CTNNA1: variants seen among roughly 807,000 people sequenced by gnomAD.
The protein encoded by CTNNA1 is catenin alpha-1.
Under a neutral mutation model 98.4 loss-of-function variants are expected in CTNNA1, and 37 were observed. That is an observed-to-expected ratio of 0.38 (90% CI 0.29 to 0.49). The LOEUF (loss-of-function observed/expected upper bound fraction) is 0.49, where lower values mean the gene tolerates loss of function less well. Ranked by LOEUF, CTNNA1 falls within the 20% of genes least tolerant of loss-of-function variation. CTNNA1 has a pLI of 0.95. For synonymous variants in CTNNA1, 404 were observed against 413.2 expected, an observed-to-expected ratio of 0.98 and a Z score of 0.27; for missense variants, 761 against 1,147.2, an observed-to-expected ratio of 0.66 and a Z score of 4.86.
chr5:138,772,753 C>T (rs1753681272), intron 1 of CTNNA1, among the ~76,000 whole-genome samples: 1 of 152,126 alleles, frequency 6.6e-6, no homozygotes, highest in Middle Eastern at 3.4e-3. Flanking sequence ...TGAGTGACAA[C>T]ATAAATGAAA....
intron 1 of CTNNA1, among the ~76,000 whole-genome samples, chr5:138,776,189 C>T (rs1034889662): frequency 3.3e-5 from 5 of 151,468 alleles, no homozygotes; most frequent in Admixed American, 6.5e-5. Context: ...GAGGACCCTG[C>T]GGCCTTCCGC....
Position 138,925,324 on chromosome 5 carries a change from A to T in CTNNA1, c.1816A>T (p.Met606Leu). Residue 606 changes from methionine (M) to leucine (L), a missense_variant, in exon 13 of 18, where the codon ATG (methionine) becomes TTG (leucine). By Grantham distance (15) the Met-to-Leu change is conservative (BLOSUM62 2). Transcript: ENST00000302763. ...EALSSDPAQP[M>L]DENEFIDASR... ...CCTCAGCTCGGACCCTGCCCAGCCCATGGATGAGAATGAGTTTATCGATGC... is the reference window on the plus strand; with the variant it reads ...CCTCAGCTCGGACCCTGCCCAGCCCTTGGATGAGAATGAGTTTATCGATGC... 1 of 1,614,160 alleles carries T rather than the reference A, an allele frequency of 6.2e-7. No individual in the cohort carries two copies. The highest frequency in any genetic ancestry group is 8.5e-7 in the Non-Finnish European group (1 of 1,180,036).
chr5:138,781,911 TTTC>T lies in CTNNA1; in HGVS notation c.-2-9_-2-7del. 1 of 1,571,032 alleles carries T rather than the reference TTTC, an allele frequency of 6.4e-7. No homozygotes were observed. Among genetic ancestry groups the T allele is most frequent in the Non-Finnish European group, 8.6e-7 (1 of 1,167,808 alleles). ...TGATGTTTGCCTGACTGACTTTTTG[TTTC>T]TTATTTAGAAATGACTGCTGTCCAT... On this transcript the variant is annotated splice_polypyrimidine_tract_variant and intron_variant, in intron 1 of 17. Transcript: ENST00000302763.
chr5:138,833,597 T>C (rs116463732), intron 7 of CTNNA1, among the ~76,000 whole-genome samples: 97 of 152,332 alleles, frequency 6.4e-4, no homozygotes, highest in African/African-American at 2.2e-3. Flanking sequence ...GTTATAAAAA[T>C]TATATGGGTG....
intron 7 of CTNNA1, among the ~76,000 whole-genome samples, chr5:138,846,028 G>A (rs1234188899): frequency 6.6e-6 from 1 of 152,160 alleles, no homozygotes; most frequent in Non-Finnish European, 1.5e-5. Context: ...CTAGGTTCAA[G>A]CGATTCTCCT....
At chr5:138,884,871 A>G (rs1346669400) in intron 7 of CTNNA1, among the ~76,000 whole-genome samples, 1 of 152,152 alleles carries the variant, frequency 6.6e-6, no homozygotes, top group Non-Finnish European at 1.5e-5. Flanking sequence ...AAATCTTCCT[A>G]TTTGAATGAG....
intron 3 of CTNNA1, among the ~76,000 whole-genome samples, chr5:138,793,925 A>C (rs993198731): frequency 6.6e-6 from 1 of 151,994 alleles, no homozygotes; most frequent in Non-Finnish European, 1.5e-5. Flanking sequence ...AAGGGGGGGA[A>C]GTTAAGAGGT....
intron 10 of CTNNA1, among the ~76,000 whole-genome samples, chr5:138,913,730 T>C (rs1761153437): frequency 6.6e-6 from 1 of 152,250 alleles, no homozygotes; most frequent in Non-Finnish European, 1.5e-5. Context: ...CATTATATTA[T>C]TATTTAACCA....
At chr5:138,869,826 A>G (rs1305331281) in intron 7 of CTNNA1, 1 of 152,660 alleles carries the variant, frequency 6.6e-6, no homozygotes, top group African/African-American at 2.4e-5. Flanking sequence ...ATGTGTTAGT[A>G]CAGATTTTTG....
intron 13 of CTNNA1, 68 bp from the exon 14 acceptor site, chr5:138,929,178 G>C (rs766684199): frequency 3.5e-6 from 3 of 854,026 alleles, no homozygotes; most frequent in African/African-American, 1.7e-5. Flanking sequence ...CTGGCCAAGA[G>C]GCTCAGGGTG....
chr5:138,879,407 T>C (rs899229796), intron 7 of CTNNA1, among the ~76,000 whole-genome samples: 21 of 152,128 alleles, frequency 1.4e-4, no homozygotes, highest in African/African-American at 4.6e-4. Context: ...GAATCTCCAT[T>C]TCTGCCTGGA....
At chr5:138,767,125 C>T (rs1382469600) in intron 1 of CTNNA1, among the ~76,000 whole-genome samples, 1 of 152,124 alleles carries the variant, frequency 6.6e-6, no homozygotes, top group Non-Finnish European at 1.5e-5. Context: ...CAAGCTCCTC[C>T]TCCCGGGTTC....
chr5:138,793,722 G>C (rs1756617692), intron 3 of CTNNA1, among the ~76,000 whole-genome samples: 1 of 152,200 alleles, frequency 6.6e-6, no homozygotes, highest in Admixed American at 6.5e-5. Context: ...GCATTTATTT[G>C]AATGTGTAAT....
chr5:138,874,657 G>T lies in CTNNA1; in HGVS notation c.1063-11555G>T, dbSNP rs193180068. On this transcript the variant is annotated intron_variant, in intron 7 of 17. Transcript: ENST00000302763. The surrounding 1 kb of genome is among the most constrained non-coding windows in gnomAD (Gnocchi z 4.1). ...AACCACCACCAACATTATAGCAAAA[G>T]ATTTCACTGCATATAACTTATTTTT... 345 of 794,482 alleles carry T rather than the reference G, an allele frequency of 4.3e-4. 2 individuals carry two copies. The East Asian group carries it at 8.5e-3, about 20-fold the overall frequency. 49.2% of individuals were successfully genotyped at this position (794,482 alleles called of 1,614,324 possible). A position where few individuals can be genotyped will look rare whatever the true frequency, so the allele number is the denominator to read the frequency against.
At chr5:138,787,076 A>G (rs1368024772) in intron 3 of CTNNA1, among the ~76,000 whole-genome samples, 4 of 152,024 alleles carry the variant, frequency 2.6e-5, no homozygotes, top group East Asian at 1.9e-4. Flanking sequence ...GTTGTTTAGG[A>G]TGGGGGTTGG....
intron 7 of CTNNA1, among the ~76,000 whole-genome samples, chr5:138,885,277 A>G (rs762796628): frequency 2.9e-4 from 44 of 152,174 alleles, no homozygotes; most frequent in Non-Finnish European, 5.3e-4. Context: ...AGGGCATCCA[A>G]AGGGAGAACA....
chr5:138,828,836 A>G (rs1324232568), intron 7 of CTNNA1, among the ~76,000 whole-genome samples: 1 of 152,308 alleles, frequency 6.6e-6, no homozygotes, highest in African/African-American at 2.4e-5. Context: ...TTTTAAAGCC[A>G]TTGCCCCCTG....
rs190859195 is a variant in CTNNA1, at chr5:138,759,244, G to T, written c.-3+5734G>T. Among the ~76,000 whole-genome samples the T allele has an allele frequency of 9.2e-5, 14 of 152,156 alleles. No individual in the cohort carries two copies. In the East Asian group the frequency reaches 2.5e-3, roughly 27 times the overall value. ...AATGATGTGCTAACTCTGAAAATTGGACTCTTCTCATTCCCAGGGTTTGCT... is the reference window on the plus strand; with the variant it reads ...AATGATGTGCTAACTCTGAAAATTGTACTCTTCTCATTCCCAGGGTTTGCT... On this transcript the variant is annotated intron_variant, in intron 1 of 17. Transcript: ENST00000302763.
intron 9 of CTNNA1, among the ~76,000 whole-genome samples, chr5:138,894,281 CTT>C (rs539073038): frequency 2.3e-4 from 28 of 123,888 alleles, no homozygotes; most frequent in Admixed American, 3.9e-4. Flanking sequence ...TTTTCTTTCT[CTT>C]TTTTTTTTTT....
Sources: gnomAD v4.1 joint callset for allele counts (sites outside exome capture counted in the v4.1 genomes callset) on GRCh38, gnomAD v4.1.1 for gene constraint, Gnocchi (gnomAD v3.1) non-coding constraint, MANE v1.5 for transcripts, NCBI Gene and HGNC (gene_info 2026-07-23, HGNC 2026-07-21) for gene names.